Variants in ACP3 observed in about 807,000 individuals in gnomAD.
The protein encoded by ACP3 is prostatic acid phosphatase.
ACP3 carries 38 observed loss-of-function variants against 45.6 expected under a neutral mutation model. The ratio of observed to expected loss-of-function variants is 0.83; its 90% CI spans 0.64 to 1.09. The LOEUF is 1.09. ACP3 is among the 50% of genes least tolerant of loss of function. ACP3 has a pLI of 0.00. For synonymous variants in ACP3, 162 were observed against 164.7 expected (o/e 0.98, Z 0.13); for missense variants, 466 against 463.2 (o/e 1.01, Z -0.05).
chr3:132,322,835 C>T (rs1453247585), intron 1 of ACP3, among the ~76,000 whole-genome samples: 1 of 152,246 alleles, frequency 6.6e-6, no homozygotes, highest in Non-Finnish European at 1.5e-5. Context: ...GGGGGCTCTA[C>T]TCTCCTGATG....
At position 132,349,926 on chromosome 3, in the gene ACP3, T is replaced by C; in HGVS notation, c.788T>C (p.Leu263Pro). The change falls in exon 8 of 10, where the codon CTG becomes CCG. Residue 263 changes from leucine (L) to proline (P), a missense_variant. Coordinates refer to ENST00000336375, the MANE Select transcript of ACP3 (RefSeq NM_001099.5). ...KEKSRLQGGV[L>P]VNEILNHMKR... ...TTGATTCATCTTCTTTAAGGTGTCC[T>C]GGTCAATGAAATCCTCAATCACATG... 6.2e-7 allele frequency: 1 copy of C among 1,611,122 alleles called. No individual in the cohort carries two copies. Among genetic ancestry groups the C allele is most frequent in the Non-Finnish European group, 8.5e-7 (1 of 1,177,318 alleles).
At chr3:132,348,999 T>TCA (rs3221158) in intron 7 of ACP3, among the ~76,000 whole-genome samples, 2 of 146,952 alleles carry the variant, frequency 1.4e-5, no homozygotes, top group South Asian at 2.3e-4. Flanking sequence ...TCATTACAAC[T>TCA]CACACACACA....
rs1937912126 is a variant in ACP3, at chr3:132,356,787, C to T, written c.1070C>T (p.Ala357Val). The part of the protein sequence containing the change: ...CSPSCPLERF[A>V]ELVGPVIPQD... ...CCCAGCTGTCCTCTGGAGAGGTTTG[C>T]TGAGCTGGTTGGCCCTGTGATCCCT... Residue 357 changes from alanine (A) to valine (V), a missense_variant, in exon 10 of 10, where the codon GCT becomes GTT. Physicochemically the swap from Ala to Val is moderately conservative, Grantham distance 64 (BLOSUM62 0). Transcript: ENST00000336375. 5 of 1,614,052 alleles carry T rather than the reference C, an allele frequency of 3.1e-6. No homozygotes were observed. Among genetic ancestry groups the T allele is most frequent in the Non-Finnish European group, 4.2e-6 (5 of 1,180,046 alleles).
chr3:132,349,402 A>C (rs933289224), intron 7 of ACP3, among the ~76,000 whole-genome samples: 2 of 152,354 alleles, frequency 1.3e-5, no homozygotes, highest in Non-Finnish European at 2.9e-5. Flanking sequence ...ACAAACATCC[A>C]GAGAGCTGCT....
At chr3:132,350,757 G>T (rs1039739374) in intron 8 of ACP3, among the ~76,000 whole-genome samples, 1 of 152,208 alleles carries the variant, frequency 6.6e-6, no homozygotes, top group Non-Finnish European at 1.5e-5. Flanking sequence ...GTAGAAAGAA[G>T]CAAGGAAGCA....
At chr3:132,335,479 C>G (rs1559832999) in intron 4 of ACP3, among the ~76,000 whole-genome samples, 1 of 152,286 alleles carries the variant, frequency 6.6e-6, no homozygotes, top group East Asian at 1.9e-4. Context: ...TACTAATATG[C>G]CAAGCCCTGT....
intron 9 of ACP3, among the ~76,000 whole-genome samples, chr3:132,353,134 A>G (rs1937798105): frequency 1.3e-5 from 2 of 152,312 alleles, no homozygotes; most frequent in African/African-American, 4.8e-5. Flanking sequence ...CAAGAGAAAA[A>G]TTTCTTGATG....
chr3:132,325,620 C>CACACACACACACACACACACA (rs1553730262), intron 1 of ACP3, among the ~76,000 whole-genome samples: 1 of 32,020 alleles, frequency 3.1e-5, no homozygotes, highest in Non-Finnish European at 6.5e-5. Flanking sequence ...ACACACACAC[C>CACACACACACACACACACACA]CCTTCCAATC....
intron 9 of ACP3, among the ~76,000 whole-genome samples, chr3:132,353,262 TG>T (rs1255664665): frequency 6.6e-6 from 1 of 152,226 alleles, no homozygotes; most frequent in Non-Finnish European, 1.5e-5. Context: ...TCTACCTCTG[TG>T]TGACCTGGTG....
chr3:132,321,454 A>G (rs546056718), intron 1 of ACP3, among the ~76,000 whole-genome samples: 12 of 152,302 alleles, frequency 7.9e-5, no homozygotes, highest in African/African-American at 2.9e-4. Flanking sequence ...GTATCCAAGG[A>G]ACAGCCAAGC....
Position 132,356,987 on chromosome 3 carries a change from G to A in ACP3, c.*109G>A. On this transcript the variant is annotated 3_prime_UTR_variant, in exon 10 of 10. Transcript: ENST00000336375. ...CCAGCTTTGAGGAAAATGGGCTTTG[G>A]ATGATTATTTTATGTTTTAGGGACC... is the stretch of plus-strand genomic sequence containing the variant. 1.4e-6 allele frequency: 2 copies of A among 1,429,762 alleles called. No homozygotes were observed. The highest frequency in any genetic ancestry group is 3.2e-5 in the South Asian group (2 of 62,098). 88.6% of individuals were successfully genotyped at this position (1,429,762 alleles called of 1,614,324 possible).
chr3:132,359,915 C>T (rs1470541620), downstream of ACP3, among the ~76,000 whole-genome samples: 1 of 152,190 alleles, frequency 6.6e-6, no homozygotes, highest in Non-Finnish European at 1.5e-5. Context: ...TGCTACAAAT[C>T]CTACCACCAC....
At position 132,358,280 on chromosome 3, in the gene ACP3, T is replaced by C; in HGVS notation, c.*1402T>C. The stretch of plus-strand genomic sequence containing the variant: ...TCAAACTGAAACAAAATTAGAAATG[T>C]AATTATGTTCTAAGTGCCTCCAAGT... On this transcript the variant is annotated 3_prime_UTR_variant, in exon 10 of 10. Transcript: ENST00000336375. 1 of 1,104,908 alleles carries C rather than the reference T, an allele frequency of 9.1e-7. No homozygotes were observed. Among genetic ancestry groups the C allele is most frequent in the South Asian group, 2.2e-5 (1 of 44,542 alleles). The allele number at this position is 1,104,908 out of a possible 1,614,324, so 68.4% of individuals were successfully genotyped here. A position where few individuals can be genotyped will look rare whatever the true frequency, so the allele number is the denominator to read the frequency against.
chr3:132,330,812 G>A (rs745490826), intron 2 of ACP3, among the ~76,000 whole-genome samples: 4 of 152,134 alleles, frequency 2.6e-5, no homozygotes, highest in Non-Finnish European at 4.4e-5. Context: ...TCCAAAGCAT[G>A]GTGCTCTACT....
chr3:132,323,427 A>T (rs1256904530), intron 1 of ACP3, among the ~76,000 whole-genome samples: 4 of 152,108 alleles, frequency 2.6e-5, no homozygotes, highest in Non-Finnish European at 5.9e-5. Flanking sequence ...AGGGAGCCAG[A>T]TTTTTTTTAA....
intron 1 of ACP3, 136 bp from the exon 2 acceptor site, chr3:132,328,131 T>G (rs1051619785): frequency 1.7e-6 from 1 of 583,328 alleles, no homozygotes; most frequent in African/African-American, 1.9e-5. Context: ...TCAGAATCTT[T>G]TAAAACTCCT....
At chr3:132,329,122 T>A (rs570751418) in intron 2 of ACP3, among the ~76,000 whole-genome samples, 1 of 152,170 alleles carries the variant, frequency 6.6e-6, no homozygotes, top group Non-Finnish European at 1.5e-5. Context: ...CTATTCCCTT[T>A]GCTTGTAAGA....
intron 8 of ACP3, among the ~76,000 whole-genome samples, chr3:132,351,315 A>G (rs1479171061): frequency 6.6e-6 from 1 of 152,184 alleles, no homozygotes; most frequent in Non-Finnish European, 1.5e-5. Flanking sequence ...AGAGTCTGAG[A>G]CGCCAAGGAG....
In ACP3 at chr3:132,364,314, C is replaced by A. The variant is rs188584317; in HGVS notation, c.1139-3390C>A. On this transcript the variant is annotated intron_variant, in intron 10 of 10. Coordinates refer to the ACP3 transcript ENST00000351273. ...AGTGAGCAGTGATTGCACCACTGCA[C>A]TCCAGCCTGAGCAATGCAGTGAGAC... Among the ~76,000 whole-genome samples the A allele has an allele frequency of 7.2e-5, 11 of 152,244 alleles. No homozygotes were observed. In the East Asian group the frequency reaches 1.9e-3, roughly 27 times the overall value.
Sources: allele counts gnomAD v4.1 joint callset (sites outside exome capture counted in the v4.1 genomes callset), GRCh38; gene constraint gnomAD v4.1.1; transcripts MANE v1.5; gene names NCBI Gene and HGNC (gene_info 2026-07-23, HGNC 2026-07-21).